UBR3: variants seen among roughly 807,000 people sequenced by gnomAD.
UBR3 encodes the protein ubiquitin protein ligase E3 component n-recognin 3.
A neutral mutation model predicts 243.2 loss-of-function variants in UBR3; 85 were observed. The ratio of observed to expected loss-of-function variants is 0.35; its 90% CI spans 0.29 to 0.42. The LOEUF (loss-of-function observed/expected upper bound fraction) is 0.42, where lower values mean the gene tolerates loss of function less well. UBR3 is among the 10% of genes least tolerant of loss of function. UBR3 has a pLI of 1.00. For missense variants in UBR3, 1,686 were observed against 2,300.8 expected (o/e 0.73, Z 5.47); for synonymous variants, 748 against 799.8 (o/e 0.94, Z 1.09).
chr2:169,970,801 T>A (rs1435048743), intron 24 of UBR3, among the ~76,000 whole-genome samples: 1 of 142,328 alleles, frequency 7.0e-6, no homozygotes, highest in Non-Finnish European at 1.5e-5. Context: ...GCATGTGTCT[T>A]TATAGCAGCA....
chr2:170,048,044 A>C (rs1243617463), intron 32 of UBR3, among the ~76,000 whole-genome samples: 2 of 152,198 alleles, frequency 1.3e-5, no homozygotes, highest in Non-Finnish European at 2.9e-5. Flanking sequence ...GTTATTAAAG[A>C]ATGATCTTTT....
intron 11 of UBR3, 59 bp from the exon 12 acceptor site, chr2:169,923,870 C>T: frequency 7.2e-7 from 1 of 1,383,728 alleles, no homozygotes; most frequent in Non-Finnish European, 9.8e-7. Context: ...CATTTTACAA[C>T]CATCTTAAAA....
chr2:169,986,584 C>G, intron 24 of UBR3, 61 bp from the exon 25 acceptor site: 1 of 1,509,532 alleles, frequency 6.6e-7, no homozygotes, highest in Non-Finnish European at 9.0e-7. Context: ...TTCTCTCACA[C>G]TTTCATTGAA....
At chr2:169,989,456 A>G (rs942719401) in intron 25 of UBR3, among the ~76,000 whole-genome samples, 2 of 152,154 alleles carry the variant, frequency 1.3e-5, no homozygotes, top group African/African-American at 4.8e-5. Context: ...TGTTGCTGTG[A>G]TGTTTAACAT....
intron 29 of UBR3, among the ~76,000 whole-genome samples, chr2:170,012,152 G>A (rs921357544): frequency 3.3e-5 from 5 of 152,004 alleles, no homozygotes; most frequent in African/African-American, 1.2e-4. Flanking sequence ...AAATAAAAGG[G>A]ACGCTTGCTA....
intron 35 of UBR3, among the ~76,000 whole-genome samples, chr2:170,066,331 T>G (rs1387651741): frequency 2.0e-5 from 3 of 152,204 alleles, no homozygotes; most frequent in African/African-American, 7.2e-5. Context: ...TATAGTTCCC[T>G]TATCTTTTCT....
chr2:169,832,777 T>G (rs1490528288), intron 1 of UBR3, among the ~76,000 whole-genome samples: 1 of 150,200 alleles, frequency 6.7e-6, no homozygotes, highest in Non-Finnish European at 1.5e-5. Flanking sequence ...CTACTAAAAA[T>G]ACAAAATTAT....
chr2:170,079,973 T>G lies in UBR3; in HGVS notation c.5359T>G (p.Cys1787Gly). 6.2e-7 allele frequency: 1 copy of G among 1,614,100 alleles called. No individual in the cohort carries two copies. Among genetic ancestry groups the G allele is most frequent in the South Asian group, 1.1e-5 (1 of 91,080 alleles). ...TTGCCTTGTGTGTGGTACTTTTGTA[T>G]GCCTGAAAGGACTTTGCTGCAAGCA... The part of the protein sequence containing the change: ...AVCLVCGTFV[C>G]LKGLCCKQQS... The change falls in exon 37 of 39, where the codon TGC becomes GGC. Residue 1787 changes from cysteine (C) to glycine (G), a missense_variant. Transcript: ENST00000272793.
chr2:169,918,065 A>G (rs932743802), intron 11 of UBR3, among the ~76,000 whole-genome samples: 2 of 152,158 alleles, frequency 1.3e-5, no homozygotes, highest in African/African-American at 4.8e-5. Flanking sequence ...GTCATTGGGA[A>G]GTGGAGATGC....
intron 22 of UBR3, 36 bp downstream of exon 22, chr2:169,947,751 C>T (rs2105360092): frequency 1.4e-6 from 2 of 1,405,200 alleles, no homozygotes; most frequent in African/African-American, 3.0e-5. Flanking sequence ...TAAGAAAAAG[C>T]TTTATGTTAT....
At position 170,082,644 on chromosome 2, in the gene UBR3, A is replaced by G. The variant is rs1314335044; in HGVS notation, c.*801A>G. The stretch of plus-strand genomic sequence containing the variant: ...TACTATGAAATCAAGAGGTTTAAGA[A>G]CATACACTGGGCAGATGTTGATTCC... On this transcript the variant is annotated 3_prime_UTR_variant, in exon 39 of 39. Coordinates refer to ENST00000272793, the MANE Select transcript of UBR3 (RefSeq NM_172070.4). 1.3e-5 allele frequency: 2 copies of G among 152,612 alleles called. No homozygotes were observed. The highest frequency in any genetic ancestry group is 4.8e-5 in the African/African-American group (2 of 41,448). 9.5% of individuals were successfully genotyped at this position (152,612 alleles called of 1,614,324 possible). A position where few individuals can be genotyped will look rare whatever the true frequency, so the allele number is the denominator to read the frequency against.
At chr2:169,858,225 C>T (rs1345424349) in intron 1 of UBR3, among the ~76,000 whole-genome samples, 1 of 152,100 alleles carries the variant, frequency 6.6e-6, no homozygotes, top group Non-Finnish European at 1.5e-5. Flanking sequence ...ACTGGAGGAT[C>T]GACTTCTAAG....
chr2:169,999,573 A>G (rs1208597836), intron 26 of UBR3, among the ~76,000 whole-genome samples: 1 of 152,192 alleles, frequency 6.6e-6, no homozygotes, highest in Non-Finnish European at 1.5e-5. Context: ...ATCTTTCATC[A>G]TATGTTGCCA....
rs572758892 is a variant in UBR3, at chr2:170,005,502, T to G, written c.4030-1488T>G. 4.6e-5 allele frequency among the ~76,000 whole-genome samples: 7 copies of G among 152,276 alleles called. No homozygotes were observed. In the South Asian group the frequency reaches 1.5e-3, roughly 32 times the overall value. On this transcript the variant is annotated intron_variant, in intron 27 of 38. Transcript: ENST00000272793. ...GAGTGGGAAATGTTGCCATGAGTTT[T>G]TGAAGTGGTAGACAATGGTGTGCAG...
At chr2:169,908,917 G>A (rs1020703670) in intron 10 of UBR3, among the ~76,000 whole-genome samples, 13 of 149,384 alleles carry the variant, frequency 8.7e-5, no homozygotes, top group African/African-American at 2.7e-4. Flanking sequence ...TCTGCCTCCC[G>A]GGTTCACGCC....
intron 24 of UBR3, among the ~76,000 whole-genome samples, chr2:169,965,977 C>A (rs1471817965): frequency 6.6e-6 from 1 of 152,090 alleles, no homozygotes; most frequent in East Asian, 1.9e-4. Flanking sequence ...TATAAATCCT[C>A]TAATCAAATA....
intron 32 of UBR3, among the ~76,000 whole-genome samples, chr2:170,052,002 C>G (rs2091230102): frequency 6.6e-6 from 1 of 152,232 alleles, no homozygotes; most frequent in East Asian, 1.9e-4. Context: ...TCCCAAATCT[C>G]TAGCTTTAGA....
chr2:170,080,314 T>C (rs2091885885), intron 37 of UBR3: 3 of 580,032 alleles, frequency 5.2e-6, no homozygotes, highest in South Asian at 2.7e-5. Context: ...CTGTTGAAGA[T>C]ACTAGACTCT....
At chr2:169,890,555 A>ATATATATGTGTGTATATATATATG (rs2084311376) in intron 5 of UBR3, among the ~76,000 whole-genome samples, 6 of 71,426 alleles carry the variant, frequency 8.4e-5, no homozygotes, top group African/African-American at 3.4e-4. Flanking sequence ...ATATATATAT[A>ATATATATGTGTGTATATATATATG]TATATATATG....
Sources: gnomAD v4.1 joint callset for allele counts (sites outside exome capture counted in the v4.1 genomes callset) on GRCh38, gnomAD v4.1.1 for gene constraint, MANE v1.5 for transcripts, NCBI Gene and HGNC (gene_info 2026-07-23, HGNC 2026-07-21) for gene names.